CHL1: variants seen among roughly 807,000 people sequenced by gnomAD.
CHL1 encodes neural cell adhesion molecule L1-like protein.
CHL1 carries 96 observed loss-of-function variants against 141.9 expected under a neutral mutation model. The observed-to-expected ratio is 0.68, with a 90% CI of 0.57 to 0.80. The LOEUF (loss-of-function observed/expected upper bound fraction) is 0.80, where lower values mean the gene tolerates loss of function less well. Among genes scored for constraint, CHL1 ranks in the 30% least tolerant of loss-of-function variants. CHL1 has a pLI of 0.00. For missense variants in CHL1, 1,820 were observed against 1,457.2 expected (o/e 1.25, Z -4.05); for synonymous variants, 613 against 502.2 (o/e 1.22, Z -2.95).
At chr3:260,205 A>G (rs372381629) in intron 2 of CHL1, among the ~76,000 whole-genome samples, 1 of 152,268 alleles carries the variant, frequency 6.6e-6, no homozygotes, top group East Asian at 1.9e-4. Context: ...TGGAGGTTGC[A>G]GTGAGTCGAG....
At chr3:290,346 T>G (rs1282145278) in intron 2 of CHL1, among the ~76,000 whole-genome samples, 1 of 152,106 alleles carries the variant, frequency 6.6e-6, no homozygotes, top group Non-Finnish European at 1.5e-5. Flanking sequence ...CACACAAATA[T>G]TGTGAGTATT....
chr3:294,334 C>T (rs925255118), intron 2 of CHL1, among the ~76,000 whole-genome samples: 4 of 152,044 alleles, frequency 2.6e-5, no homozygotes, highest in Non-Finnish European at 5.9e-5. Context: ...TAAATAGGTA[C>T]GTACATACCT....
At position 354,635 on chromosome 3, in the gene CHL1, T is replaced by A; in HGVS notation, c.1034-5T>A. ...TCTCTCATGAGCTCTTCACTTTACA[T>A]CCAGAGCCTCCTCGCTGGACAAAGA... is the stretch of plus-strand genomic sequence containing the variant. On this transcript the variant is annotated splice_polypyrimidine_tract_variant and splice_region_variant and intron_variant, in intron 10 of 27. Transcript: ENST00000256509. 1.2e-6 allele frequency: 2 copies of A among 1,610,394 alleles called. No individual in the cohort carries two copies. Among genetic ancestry groups the A allele is most frequent in the Middle Eastern group, 1.7e-4 (1 of 6,030 alleles).
intron 2 of CHL1, among the ~76,000 whole-genome samples, chr3:290,528 AT>A (rs2125336873): frequency 6.6e-6 from 1 of 152,200 alleles, no homozygotes; most frequent in African/African-American, 2.4e-5. Flanking sequence ...CCATCTCTTG[AT>A]TTCTGTTTGC....
chr3:343,141 T>G, intron 8 of CHL1, 110 bp downstream of exon 8: 1 of 798,504 alleles, frequency 1.3e-6, no homozygotes, highest in South Asian at 2.2e-5. Flanking sequence ...ACTGTTATTA[T>G]GAAAAACATC....
At chr3:272,720 T>A (rs1695742513) in intron 2 of CHL1, among the ~76,000 whole-genome samples, 1 of 152,232 alleles carries the variant, frequency 6.6e-6, no homozygotes, top group African/African-American at 2.4e-5. Context: ...GTATTTTGTA[T>A]TGAAAATTCC....
At chr3:232,149 C>T (rs1191272213) in intron 1 of CHL1, among the ~76,000 whole-genome samples, 1 of 152,108 alleles carries the variant, frequency 6.6e-6, no homozygotes, top group Non-Finnish European at 1.5e-5. Context: ...TTGGTGTCTA[C>T]CATTACTGAC....
At chr3:327,721 G>C (rs75308202) in intron 4 of CHL1, among the ~76,000 whole-genome samples, 1 of 151,806 alleles carries the variant, frequency 6.6e-6, no homozygotes, top group Admixed American at 6.6e-5. Flanking sequence ...TATTCAGTGT[G>C]GTCTCAAATA....
At chr3:356,215 A>G (rs553490298) in intron 11 of CHL1, among the ~76,000 whole-genome samples, 1 of 152,220 alleles carries the variant, frequency 6.6e-6, no homozygotes, top group Non-Finnish European at 1.5e-5. Flanking sequence ...AATGAAAGCA[A>G]CTTTTGTTTA....
At chr3:281,959 A>T (rs546234434) in intron 2 of CHL1, among the ~76,000 whole-genome samples, 2 of 152,338 alleles carry the variant, frequency 1.3e-5, no homozygotes, top group South Asian at 4.1e-4. Context: ...TTCAAAAACT[A>T]TTCTGCTAAT....
intron 15 of CHL1, among the ~76,000 whole-genome samples, chr3:366,402 C>T (rs1704888368): frequency 6.7e-6 from 1 of 150,132 alleles, no homozygotes; most frequent in Non-Finnish European, 1.5e-5. Context: ...ACTCAGGAGG[C>T]GGAGGTTGTG....
intron 2 of CHL1, among the ~76,000 whole-genome samples, chr3:257,353 CTTTT>C (rs35247275): frequency 2.2e-5 from 3 of 137,156 alleles, no homozygotes; most frequent in East Asian, 2.1e-4. Flanking sequence ...TTTTCTTCTT[CTTTT>C]TTTTTTTTTT....
intron 3 of CHL1, among the ~76,000 whole-genome samples, chr3:323,233 T>G (rs1559253921): frequency 6.6e-6 from 1 of 152,070 alleles, no homozygotes; most frequent in Non-Finnish European, 1.5e-5. Context: ...ATAAGGTCAT[T>G]GATTAAATGT....
intron 5 of CHL1, among the ~76,000 whole-genome samples, chr3:329,559 T>A (rs1460230907): frequency 6.6e-6 from 1 of 151,392 alleles, no homozygotes; most frequent in African/African-American, 2.4e-5. Context: ...ATGTGGTTGA[T>A]GCAGGGAAGA....
intron 2 of CHL1, among the ~76,000 whole-genome samples, chr3:261,663 C>G (rs987913097): frequency 1.3e-5 from 2 of 151,956 alleles, no homozygotes; most frequent in Non-Finnish European, 2.9e-5. Flanking sequence ...ATGTAACTGT[C>G]AGATTTGAAA....
In CHL1 at chr3:259,278, G is replaced by A. The variant is rs11914772; in HGVS notation, c.-95+14586G>A. On this transcript the variant is annotated intron_variant, in intron 2 of 27. Coordinates refer to ENST00000256509, the MANE Select transcript of CHL1 (RefSeq NM_006614.4). ...CTGTAGTGTGTGTGTGCACACGTGC[G>A]TGTGTGTGCTTGTGTGTGTGCGTGC... 8.5e-4 allele frequency among the ~76,000 whole-genome samples: 129 copies of A among 151,908 alleles called. 3 individuals are homozygous for A. In the South Asian group the frequency reaches 0.021, roughly 25 times the overall value.
At chr3:285,748 A>G (rs1697069799) in intron 2 of CHL1, among the ~76,000 whole-genome samples, 1 of 152,214 alleles carries the variant, frequency 6.6e-6, no homozygotes, top group Non-Finnish European at 1.5e-5. Context: ...TCATAACTTT[A>G]TGATTAGCAA....
At chr3:392,252 T>C (rs1708284521) in intron 23 of CHL1, among the ~76,000 whole-genome samples, 1 of 152,238 alleles carries the variant, frequency 6.6e-6, no homozygotes, top group Non-Finnish European at 1.5e-5. Context: ...TATTGAGTGA[T>C]GTGATGGAGA....
chr3:276,675 G>C (rs368391910), intron 2 of CHL1, among the ~76,000 whole-genome samples: 6 of 151,868 alleles, frequency 4.0e-5, no homozygotes, highest in South Asian at 2.1e-4. Flanking sequence ...GGATCACGAG[G>C]TCAGGAGATT....
Sources: gnomAD v4.1 joint callset for allele counts (sites outside exome capture counted in the v4.1 genomes callset) on GRCh38, gnomAD v4.1.1 for gene constraint, MANE v1.5 for transcripts, NCBI Gene and HGNC (gene_info 2026-07-23, HGNC 2026-07-21) for gene names.